Variants in DGKB observed in about 807,000 individuals in gnomAD.
DGKB encodes diacylglycerol kinase beta.
DGKB carries 67 observed loss-of-function variants against 114.3 expected under a neutral mutation model. The observed-to-expected ratio is 0.59, with a 90% CI of 0.48 to 0.72. The LOEUF (loss-of-function observed/expected upper bound fraction) is 0.72, where lower values mean the gene tolerates loss of function less well. Ranked by LOEUF, DGKB falls within the 30% of genes least tolerant of loss-of-function variation. DGKB has a pLI of 0.00. For synonymous variants in DGKB, 398 were observed against 323.1 expected, an observed-to-expected ratio of 1.23 and a Z score of -2.49; for missense variants, 907 against 975.2, an observed-to-expected ratio of 0.93 and a Z score of 0.93.
intron 13 of DGKB, among the ~76,000 whole-genome samples, chr7:14,666,031 G>T (rs1464822): frequency 0.79 from 119,398 of 151,854 alleles, 47,138 homozygotes; most frequent in East Asian, 0.89. Flanking sequence ...AGTGATAAAG[G>T]TATATATAAA....
chr7:14,457,598 A>G (rs1832464976), intron 21 of DGKB, among the ~76,000 whole-genome samples: 1 of 152,188 alleles, frequency 6.6e-6, no homozygotes, highest in Admixed American at 6.5e-5. Flanking sequence ...TTAATTTCCA[A>G]TGCTGCAATT....
intron 23 of DGKB, among the ~76,000 whole-genome samples, chr7:14,311,258 C>A (rs750436481): frequency 6.6e-6 from 1 of 152,098 alleles, no homozygotes; most frequent in Non-Finnish European, 1.5e-5. Flanking sequence ...ATTTGGCTCA[C>A]GGTGTAATCA....
Position 14,567,470 on chromosome 7 carries a change from TATATTA to T in DGKB, c.1770+6736_1770+6741del, listed in dbSNP as rs1184293464. 1.6e-3 allele frequency among the ~76,000 whole-genome samples: 116 copies of T among 74,770 alleles called. 2 individuals are homozygous for T. Among genetic ancestry groups the T allele is most frequent in the African/African-American group, 6.2e-3 (111 of 17,856 alleles). The allele number at this position is 74,770 out of a possible 152,430, so 49.1% of individuals were successfully genotyped here. On this transcript the variant is annotated intron_variant, in intron 20 of 25. Coordinates refer to ENST00000402815, the MANE Select transcript of DGKB (RefSeq NM_001350709.2). Reference sequence around the variant, plus strand: ...TATATTATATATAATTATATATTTATATATTATATATATTTATATATTATATATAAT... The same window carrying T: ...TATATTATATATAATTATATATTTATTATATATTTATATATTATATATAAT...
At chr7:14,701,868 G>A (rs1379836846) in intron 6 of DGKB, 138 bp from the exon 7 acceptor site, 1 of 607,670 alleles carries the variant, frequency 1.6e-6, no homozygotes, top group Non-Finnish European at 3.0e-6. Flanking sequence ...TAATTTGTGG[G>A]ATTATTTCTC....
chr7:14,638,823 T>G (rs1811213757), intron 13 of DGKB, among the ~76,000 whole-genome samples: 2 of 151,940 alleles, frequency 1.3e-5, no homozygotes, highest in Admixed American at 1.3e-4. Flanking sequence ...AAGTGGATCA[T>G]CTGAGGAGTT....
chr7:14,165,543 T>A (rs1386067219), intron 25 of DGKB, among the ~76,000 whole-genome samples: 1 of 152,202 alleles, frequency 6.6e-6, no homozygotes, highest in East Asian at 1.9e-4. Flanking sequence ...TCAAGAAACA[T>A]AGTTCTATCC....
At position 14,930,538 on chromosome 7, in the gene DGKB, G is replaced by T. The variant is rs374430501; in HGVS notation, c.-188+44158C>A. On this transcript the variant is annotated intron_variant, in intron 1 of 4. Coordinates refer to the DGKB transcript ENST00000437998. ...GTCATTATTATATAAAAGTGCTACT[G>T]ATTTTTGTAAGTTGATTTTTATTTT... Among the ~76,000 whole-genome samples, 5 of 152,206 alleles carry T rather than the reference G, an allele frequency of 3.3e-5. No individual in the cohort carries two copies. The East Asian group carries it at 9.6e-4, about 29-fold the overall frequency.
intron 20 of DGKB, among the ~76,000 whole-genome samples, chr7:14,479,747 A>G (rs1168186697): frequency 1.3e-5 from 2 of 152,138 alleles, no homozygotes; most frequent in African/African-American, 2.4e-5. Flanking sequence ...AGATTACAGG[A>G]AAAACACCTG....
At chr7:14,896,328 G>A (rs1029276735) in intron 1 of DGKB, among the ~76,000 whole-genome samples, 1 of 151,626 alleles carries the variant, frequency 6.6e-6, no homozygotes, top group African/African-American at 2.4e-5. Flanking sequence ...GTTCTTCTGG[G>A]TAGTTTATGT....
chr7:14,325,196 T>C (rs1207006422), intron 23 of DGKB, among the ~76,000 whole-genome samples: 2 of 152,100 alleles, frequency 1.3e-5, no homozygotes, highest in Non-Finnish European at 2.9e-5. Context: ...GCATTGCACC[T>C]CTAGAAGGAA....
chr7:14,325,024 C>G (rs1808476162), intron 23 of DGKB, among the ~76,000 whole-genome samples: 1 of 152,200 alleles, frequency 6.6e-6, no homozygotes, highest in Admixed American at 6.5e-5. Context: ...AGTTTTGCAG[C>G]ATAGGTAGGG....
chr7:14,354,076 T>C (rs1252725232), intron 21 of DGKB, among the ~76,000 whole-genome samples: 1 of 152,144 alleles, frequency 6.6e-6, no homozygotes, highest in Non-Finnish European at 1.5e-5. Flanking sequence ...CCACATCCAA[T>C]AACTTAAAAA....
At chr7:14,156,309 A>G (rs1207415626) in intron 25 of DGKB, among the ~76,000 whole-genome samples, 1 of 152,168 alleles carries the variant, frequency 6.6e-6, no homozygotes, top group Non-Finnish European at 1.5e-5. Context: ...GATCTACTGA[A>G]TGATATTTAA....
At chr7:14,909,735 GT>G (rs1178088620) in intron 1 of DGKB, among the ~76,000 whole-genome samples, 2 of 152,076 alleles carry the variant, frequency 1.3e-5, no homozygotes, top group Admixed American at 6.6e-5. Context: ...AACCATATTT[GT>G]CTTGGGTGAT....
At chr7:14,615,312 T>C (rs1192147063) in intron 15 of DGKB, among the ~76,000 whole-genome samples, 2 of 151,986 alleles carry the variant, frequency 1.3e-5, no homozygotes, top group Admixed American at 1.3e-4. Flanking sequence ...TATGAGATTA[T>C]ACAAAAATTC....
chr7:14,462,442 G>C (rs945780153), intron 21 of DGKB, among the ~76,000 whole-genome samples: 2 of 152,124 alleles, frequency 1.3e-5, no homozygotes, highest in African/African-American at 2.4e-5. Context: ...AAAATCACAA[G>C]CATTCCTATA....
chr7:14,747,297 A>G (rs1221490831), intron 4 of DGKB, among the ~76,000 whole-genome samples: 1 of 150,966 alleles, frequency 6.6e-6, no homozygotes, highest in Non-Finnish European at 1.5e-5. Context: ...GACTCAAGCA[A>G]TCCTTCCACC....
At chr7:14,351,038 A>G (rs1009367272) in intron 21 of DGKB, among the ~76,000 whole-genome samples, 3 of 151,934 alleles carry the variant, frequency 2.0e-5, no homozygotes, top group African/African-American at 7.3e-5. Flanking sequence ...TTATTTTAAT[A>G]CTAAAACAGT....
chr7:14,914,489 A>T (rs1209952887), intron 1 of DGKB, among the ~76,000 whole-genome samples: 1 of 152,202 alleles, frequency 6.6e-6, no homozygotes, highest in Non-Finnish European at 1.5e-5. Context: ...TAGCACATAC[A>T]ATATAGCAAA....
Sources: allele counts gnomAD v4.1 joint callset (sites outside exome capture counted in the v4.1 genomes callset), GRCh38; gene constraint gnomAD v4.1.1; transcripts MANE v1.5; gene names NCBI Gene and HGNC (gene_info 2026-07-23, HGNC 2026-07-21).